Variants in SUGCT observed in about 807,000 individuals in gnomAD.
SUGCT encodes succinyl-CoA:glutarate-CoA transferase, also known as succinyl-CoA:glutarate CoA-transferase.
SUGCT carries 41 observed loss-of-function variants against 55.0 expected under a neutral mutation model. The observed-to-expected ratio is 0.74, with a 90% confidence interval of 0.58 to 0.97. The LOEUF is 0.97. Ranked by LOEUF, SUGCT falls within the 50% of genes least tolerant of loss-of-function variation. The pLI, the probability that SUGCT is intolerant of heterozygous loss-of-function variation, is 0.00. For synonymous variants in SUGCT, 187 were observed against 200.4 expected (o/e 0.93, Z 0.56); for missense variants, 568 against 547.8 (o/e 1.04, Z -0.37).
In SUGCT at chr7:40,440,910, A is replaced by G. The variant is rs578070085; in HGVS notation, c.817-8377A>G. Among the ~76,000 whole-genome samples the G allele has an allele frequency of 3.9e-5, 6 of 152,046 alleles. No individual in the cohort carries two copies. The East Asian group carries it at 1.2e-3, about 30-fold the overall frequency. On this transcript the variant is annotated intron_variant, in intron 9 of 13. Transcript: ENST00000335693. ...CAGTTTGAGACTGCAGTGAGCTAGGATTATGCCAGTTTACTCCAGCCTGGG... is the reference window on the plus strand; with the variant it reads ...CAGTTTGAGACTGCAGTGAGCTAGGGTTATGCCAGTTTACTCCAGCCTGGG...
chr7:40,923,234 C>G, the SUGCT span, among the ~76,000 whole-genome samples: 1 of 152,216 alleles, frequency 6.6e-6, no homozygotes, highest in Non-Finnish European at 1.5e-5. Context: ...GTTTTAAAAG[C>G]ATTGCAGTTA....
chr7:40,422,250 T>C (rs1042155928), intron 9 of SUGCT, among the ~76,000 whole-genome samples: 1 of 152,148 alleles, frequency 6.6e-6, no homozygotes, highest in African/African-American at 2.4e-5. Context: ...TTTGTCAGTA[T>C]TTAGAATAGG....
chr7:40,719,482 G>A (rs901975453), intron 12 of SUGCT, among the ~76,000 whole-genome samples: 6 of 152,142 alleles, frequency 3.9e-5, no homozygotes, highest in South Asian at 2.1e-4. Flanking sequence ...AGCCAGCCCC[G>A]GAGAGCCACA....
chr7:40,218,725 C>G (rs1405064022), intron 6 of SUGCT, among the ~76,000 whole-genome samples: 5 of 152,026 alleles, frequency 3.3e-5, no homozygotes, highest in African/African-American at 1.2e-4. Flanking sequence ...TGTAAATGCA[C>G]CAATCAGCAC....
rs1281892689 is a variant in SUGCT at position 40,464,220 on chromosome 7, T to TA, written c.986+5023dup. On this transcript the variant is annotated intron_variant, in intron 11 of 13. Transcript: ENST00000335693. The stretch of plus-strand genomic sequence containing the variant: ...CAACATTTATTGGCCATTGACTGTG[T>TA]ACCATTGTCCTGCAGATACAGAGCT... Among the ~76,000 whole-genome samples the TA allele has an allele frequency of 7.9e-5, 12 of 152,366 alleles. No individual in the cohort carries two copies. In the East Asian group the frequency reaches 2.3e-3, roughly 29 times the overall value.
intron 12 of SUGCT, among the ~76,000 whole-genome samples, chr7:40,510,447 A>G (rs1188322886): frequency 6.6e-6 from 1 of 152,162 alleles, no homozygotes; most frequent in Non-Finnish European, 1.5e-5. Flanking sequence ...AATTTTCAGA[A>G]AGAGAGATAA....
At chr7:40,235,071 G>GA (rs1446779351) in intron 6 of SUGCT, among the ~76,000 whole-genome samples, 1 of 151,870 alleles carries the variant, frequency 6.6e-6, no homozygotes, top group East Asian at 1.9e-4. Context: ...ATTTTTATTT[G>GA]AAATTTTCCA....
At position 40,204,304 on chromosome 7, in the gene SUGCT, ATT is replaced by A. The variant is rs1226033647; in HGVS notation, c.484+9259_484+9260del. 7.9e-4 allele frequency among the ~76,000 whole-genome samples: 107 copies of A among 135,520 alleles called. 1 individual carries two copies. Among genetic ancestry groups the A allele is most frequent in the African/African-American group, 2.5e-3 (93 of 36,864 alleles). The allele number at this position is 135,520 out of a possible 152,430, so 88.9% of individuals were successfully genotyped here. On this transcript the variant is annotated intron_variant, in intron 6 of 13. Coordinates refer to ENST00000335693, the MANE Select transcript of SUGCT (RefSeq NM_001193313.2). ...GCCACTGTGCCCAGCCTACTTGGGA[ATT>A]TTTTTTTTTTTTTTGATACGGAGTC...
intron 13 of SUGCT, among the ~76,000 whole-genome samples, chr7:40,804,667 G>T (rs186674347): frequency 7.2e-5 from 11 of 152,200 alleles, no homozygotes; most frequent in African/African-American, 2.6e-4. Context: ...ACATGATAAG[G>T]TACTCAGAGA....
chr7:40,447,673 G>A (rs1278271406), intron 9 of SUGCT, among the ~76,000 whole-genome samples: 1 of 152,106 alleles, frequency 6.6e-6, no homozygotes, highest in Non-Finnish European at 1.5e-5. Context: ...GGAGAACTGA[G>A]CCTATATGTA....
At chr7:40,280,802 A>C (rs1479321709) in intron 8 of SUGCT, among the ~76,000 whole-genome samples, 2 of 152,126 alleles carry the variant, frequency 1.3e-5, no homozygotes, top group African/African-American at 4.8e-5. Flanking sequence ...TGACAACTTA[A>C]TGATTTTAGT....
chr7:40,177,205 T>C (rs1369712230), intron 1 of SUGCT, among the ~76,000 whole-genome samples: 4 of 152,092 alleles, frequency 2.6e-5, no homozygotes, highest in African/African-American at 9.7e-5. Context: ...AACTTAGGGG[T>C]ATGCTTCAAT....
chr7:40,565,969 AC>A lies in SUGCT; in HGVS notation c.1089+69584del, dbSNP rs1336334591. Among the ~76,000 whole-genome samples, 8 of 99,756 alleles carry A rather than the reference AC, an allele frequency of 8.0e-5. No individual in the cohort carries two copies. The South Asian group carries it at 2.7e-3, about 34-fold the overall frequency. The allele number at this position is 99,756 out of a possible 152,430, so 65.4% of individuals were successfully genotyped here. A position where few individuals can be genotyped will look rare whatever the true frequency, so the allele number is the denominator to read the frequency against. On this transcript the variant is annotated intron_variant, in intron 12 of 13. Coordinates refer to ENST00000335693, the MANE Select transcript of SUGCT (RefSeq NM_001193313.2). ...CGTAGTGATCAACACCTGGCATATCACACACACACACACACACACACACGCA... is the reference window on the plus strand; with the variant it reads ...CGTAGTGATCAACACCTGGCATATCAACACACACACACACACACACACGCA...
At chr7:40,869,953 C>T in the SUGCT span, among the ~76,000 whole-genome samples, 2 of 152,162 alleles carry the variant, frequency 1.3e-5, no homozygotes, top group Non-Finnish European at 2.9e-5. Flanking sequence ...TATTGTATTA[C>T]TGGTCATTTT....
At chr7:40,877,139 C>T in the SUGCT span, among the ~76,000 whole-genome samples, 3 of 152,284 alleles carry the variant, frequency 2.0e-5, no homozygotes, top group South Asian at 6.2e-4. Context: ...CCTCTTGAAG[C>T]TTCCTTCAGC....
chr7:40,245,384 T>G lies in SUGCT; in HGVS notation c.576+7658T>G, dbSNP rs373132865. Among the ~76,000 whole-genome samples, 204 of 128,012 alleles carry G rather than the reference T, an allele frequency of 1.6e-3. 9 individuals are homozygous for G. The South Asian group carries it at 0.053, about 33-fold the overall frequency. The allele number at this position is 128,012 out of a possible 152,430, so 84.0% of individuals were successfully genotyped here. A position where few individuals can be genotyped will look rare whatever the true frequency, so the allele number is the denominator to read the frequency against. On this transcript the variant is annotated intron_variant, in intron 7 of 13. Transcript: ENST00000335693. ...ATGAACTTTTTTTTTTATTTTAAAT[T>G]TTTATAGGTACGTAGTAGACATATA... is the stretch of plus-strand genomic sequence containing the variant.
rs757549402 is a variant in SUGCT, at chr7:40,786,480, G to A, written c.1153+36983G>A. On this transcript the variant is annotated intron_variant, in intron 13 of 13. Coordinates refer to ENST00000335693, the MANE Select transcript of SUGCT (RefSeq NM_001193313.2). Reference sequence around the variant, plus strand: ...GGCAATCACGTCTGATTTCAATTATGTTAATGTAAGGTAAAGATATTCATA... The same window carrying A: ...GGCAATCACGTCTGATTTCAATTATATTAATGTAAGGTAAAGATATTCATA... 1.2e-3 allele frequency among the ~76,000 whole-genome samples: 181 copies of A among 152,242 alleles called. 1 individual carries two copies. Among genetic ancestry groups the A allele is most frequent in the Admixed American group, 1.8e-3 (27 of 15,292 alleles).
chr7:40,821,224 T>A (rs77962412), intron 13 of SUGCT, among the ~76,000 whole-genome samples: 2,500 of 152,286 alleles, frequency 0.016, 40 homozygotes, highest in Non-Finnish European at 0.023. Context: ...TCTAAAATTA[T>A]CTTTTTTTTG....
Position 40,820,374 on chromosome 7 carries a change from A to G in SUGCT, c.1154-39942A>G, listed in dbSNP as rs574219111. On this transcript the variant is annotated intron_variant, in intron 13 of 13. Transcript: ENST00000335693. ...CTTGGGCAGTATGGCCATTTTCACG[A>G]TATTGATTCTTCCTATCCATGAGCA... 1.2e-3 allele frequency among the ~76,000 whole-genome samples: 184 copies of G among 152,066 alleles called. 1 individual carries two copies. Among genetic ancestry groups the G allele is most frequent in the Middle Eastern group, 0.01 (3 of 294 alleles).
Sources: gnomAD v4.1 joint callset for allele counts (sites outside exome capture counted in the v4.1 genomes callset) on GRCh38, gnomAD v4.1.1 for gene constraint, MANE v1.5 for transcripts, NCBI Gene and HGNC (gene_info 2026-07-23, HGNC 2026-07-21) for gene names.